Variants in CTNNA2 observed in about 807,000 individuals in gnomAD.
CTNNA2 encodes the protein catenin alpha 2.
In CTNNA2, 42 loss-of-function variants were observed where a neutral mutation model predicts 101.0. The ratio of observed to expected loss-of-function variants is 0.42; its 90% CI spans 0.32 to 0.54. CTNNA2 has a LOEUF of 0.54. Ranked by LOEUF, CTNNA2 falls within the 20% of genes least tolerant of loss-of-function variation. The pLI, the probability that CTNNA2 is intolerant of heterozygous loss-of-function variation, is 0.14. For synonymous variants in CTNNA2, 450 were observed against 456.4 expected (o/e 0.99, Z 0.18); for missense variants, 871 against 1,223.1 (o/e 0.71, Z 4.29).
intron 7 of CTNNA2, among the ~76,000 whole-genome samples, chr2:80,096,381 A>G (rs1411621948): frequency 6.6e-6 from 1 of 152,012 alleles, no homozygotes; most frequent in Non-Finnish European, 1.5e-5. Flanking sequence ...GTTTTTTATA[A>G]TTTCTGTTCT....
intron 4 of CTNNA2, among the ~76,000 whole-genome samples, chr2:79,417,731 G>A (rs1678498653): frequency 6.6e-6 from 1 of 152,016 alleles, no homozygotes; most frequent in East Asian, 1.9e-4. Context: ...TCATAAGTGT[G>A]GATATTTTCT....
In CTNNA2 at chr2:79,301,810, C is replaced by A. The variant is rs537941011; in HGVS notation, c.-405-10899C>A. ...TCTCATGAAATAAGAACCTCTGGGC[C>A]GGGCACAGTGGCTCACATCTGTAAT... On this transcript the variant is annotated intron_variant, in intron 2 of 21. Transcript: ENST00000466387. 1.6e-4 allele frequency among the ~76,000 whole-genome samples: 24 copies of A among 152,072 alleles called. No individual in the cohort carries two copies. In the East Asian group the frequency reaches 4.5e-3, roughly 28 times the overall value.
chr2:79,329,777 G>A (rs927270978), intron 3 of CTNNA2, among the ~76,000 whole-genome samples: 2 of 152,134 alleles, frequency 1.3e-5, no homozygotes, highest in African/African-American at 4.8e-5. Flanking sequence ...ATAGGGATTT[G>A]GGAAGTGTTT....
intron 3 of CTNNA2, among the ~76,000 whole-genome samples, chr2:79,758,174 A>G (rs1378506893): frequency 2.0e-5 from 3 of 152,208 alleles, no homozygotes; most frequent in African/African-American, 7.2e-5. Flanking sequence ...ACGTTAACAC[A>G]TAAAGATAAA....
At chr2:79,443,657 C>G (rs1573168685) in intron 4 of CTNNA2, among the ~76,000 whole-genome samples, 1 of 152,046 alleles carries the variant, frequency 6.6e-6, no homozygotes, top group African/African-American at 2.4e-5. Context: ...TGACACAATT[C>G]TGTTGTCTAA....
At chr2:79,431,511 C>T (rs1678658888) in intron 4 of CTNNA2, among the ~76,000 whole-genome samples, 1 of 152,006 alleles carries the variant, frequency 6.6e-6, no homozygotes, top group African/African-American at 2.4e-5. Context: ...ACTATTCGCT[C>T]TTAAAACTTG....
chr2:80,620,076 G>T (rs1173915848), intron 18 of CTNNA2, among the ~76,000 whole-genome samples: 1 of 151,816 alleles, frequency 6.6e-6, no homozygotes, highest in Non-Finnish European at 1.5e-5. Context: ...GTATAAAAGG[G>T]TAAAGGGAGT....
intron 4 of CTNNA2, among the ~76,000 whole-genome samples, chr2:79,498,622 C>A (rs991257745): frequency 1.3e-5 from 2 of 152,106 alleles, no homozygotes; most frequent in Admixed American, 1.3e-4. Flanking sequence ...TACAAGGACA[C>A]CATAACTTTC....
intron 2 of CTNNA2, among the ~76,000 whole-genome samples, chr2:79,706,317 C>G (rs1024841539): frequency 7.2e-6 from 1 of 138,660 alleles, no homozygotes; most frequent in African/African-American, 2.7e-5. Context: ...GAGCCGAGAT[C>G]ACGCCACTGC....
At chr2:79,973,214 AT>A (rs57776249) in intron 7 of CTNNA2, among the ~76,000 whole-genome samples, 5,121 of 151,742 alleles carry the variant, frequency 0.034, 272 homozygotes, top group African/African-American at 0.12. Flanking sequence ...TCTCTTGGTT[AT>A]TTTTTTCCCT....
chr2:79,552,818 C>T (rs757925155), intron 1 of CTNNA2, among the ~76,000 whole-genome samples: 7 of 152,160 alleles, frequency 4.6e-5, no homozygotes, highest in Non-Finnish European at 1.0e-4. Flanking sequence ...TTTGAGGCTG[C>T]GTAGAGCAGT....
At chr2:79,357,794 A>G (rs1291892366) in intron 3 of CTNNA2, among the ~76,000 whole-genome samples, 2 of 152,226 alleles carry the variant, frequency 1.3e-5, no homozygotes, top group East Asian at 1.9e-4. Context: ...TGCTGAATAA[A>G]GAAAGCCAGA....
At chr2:79,188,964 C>T (rs1673817589) in intron 1 of CTNNA2, among the ~76,000 whole-genome samples, 1 of 152,112 alleles carries the variant, frequency 6.6e-6, no homozygotes, top group Non-Finnish European at 1.5e-5. Flanking sequence ...TGTGAACAGG[C>T]ACTATCTGTA....
chr2:79,265,430 T>C (rs185820369), intron 2 of CTNNA2, among the ~76,000 whole-genome samples: 1 of 152,248 alleles, frequency 6.6e-6, no homozygotes. Flanking sequence ...CTAGAAATCA[T>C]TGATTCAGAG....
chr2:79,846,994 T>C (rs1430699149), intron 3 of CTNNA2, among the ~76,000 whole-genome samples: 2 of 152,200 alleles, frequency 1.3e-5, no homozygotes, highest in Admixed American at 1.3e-4. Flanking sequence ...ACTTGAATGA[T>C]TAGTAGATAT....
intron 7 of CTNNA2, among the ~76,000 whole-genome samples, chr2:80,300,577 GT>G (rs558571162): frequency 6.6e-6 from 1 of 151,818 alleles, no homozygotes; most frequent in South Asian, 2.1e-4. Flanking sequence ...GTAGTGTGTG[GT>G]TCCCCATCCC....
intron 7 of CTNNA2, among the ~76,000 whole-genome samples, chr2:79,919,324 A>C (rs139254242): frequency 1.7e-4 from 26 of 152,334 alleles, no homozygotes; most frequent in African/African-American, 5.1e-4. Flanking sequence ...TGCCAAATGA[A>C]AGAGGAGATG....
chr2:79,324,777 CT>C (rs1676708073), intron 3 of CTNNA2, among the ~76,000 whole-genome samples: 1 of 151,664 alleles, frequency 6.6e-6, no homozygotes, highest in African/African-American at 2.4e-5. Context: ...GTGTCAGTCA[CT>C]TTTCAGGAAA....
At chr2:80,399,475 A>C (rs1201652035) in intron 8 of CTNNA2, among the ~76,000 whole-genome samples, 2 of 152,216 alleles carry the variant, frequency 1.3e-5, no homozygotes, top group African/African-American at 4.8e-5. Flanking sequence ...ACAAAGGAGC[A>C]AAGAGTCTAG....
Sources: allele counts gnomAD v4.1 joint callset (sites outside exome capture counted in the v4.1 genomes callset), GRCh38; gene constraint gnomAD v4.1.1; transcripts MANE v1.5; gene names NCBI Gene and HGNC (gene_info 2026-07-23, HGNC 2026-07-21).